The following EYS variants were observed in gnomAD, a reference collection of about 807,000 sequenced individuals.
EYS encodes the protein EGF-like photoreceptor maintenance factor, also known as protein eyes shut homolog.
In EYS, 250 loss-of-function variants were observed where a neutral mutation model predicts 282.1. The ratio of observed to expected loss-of-function variants is 0.89; its 90% confidence interval spans 0.80 to 0.98. EYS has a LOEUF of 0.98. EYS is among the 50% of genes least tolerant of loss of function. EYS has a pLI of 0.00. For synonymous variants in EYS, 1,355 were observed against 1,282.9 expected, an observed-to-expected ratio of 1.06 and a Z score of -1.20; for missense variants, 4,016 against 3,709.0, an observed-to-expected ratio of 1.08 and a Z score of -2.15.
chr6:64,178,854 T>G (rs895832341), intron 31 of EYS, among the ~76,000 whole-genome samples: 4 of 152,082 alleles, frequency 2.6e-5, no homozygotes, highest in Non-Finnish European at 5.9e-5. Context: ...CCAGGAGACC[T>G]AAATTTATAA....
At chr6:63,776,063 T>TC (rs1226756565) in intron 40 of EYS, among the ~76,000 whole-genome samples, 2 of 152,112 alleles carry the variant, frequency 1.3e-5, no homozygotes. Flanking sequence ...GATGTATCTT[T>TC]CCCCCTGTAC....
intron 29 of EYS, among the ~76,000 whole-genome samples, chr6:64,334,765 C>T (rs1049871649): frequency 3.9e-5 from 6 of 152,092 alleles, no homozygotes; most frequent in African/African-American, 1.4e-4. Flanking sequence ...TTGCTGCTTA[C>T]AAATTGATGA....
intron 22 of EYS, among the ~76,000 whole-genome samples, chr6:64,798,329 A>G (rs769887021): frequency 5.9e-5 from 9 of 151,954 alleles, no homozygotes; most frequent in Admixed American, 1.3e-4. Flanking sequence ...ATTTTCATCC[A>G]TACAGATATA....
intron 26 of EYS, among the ~76,000 whole-genome samples, chr6:64,523,300 C>T (rs1038575399): frequency 9.9e-5 from 15 of 151,728 alleles, no homozygotes; most frequent in African/African-American, 3.6e-4. Flanking sequence ...CGCCTTTCTT[C>T]TTCACACTTT....
At chr6:63,912,250 T>G (rs1764272441) in intron 35 of EYS, among the ~76,000 whole-genome samples, 3 of 152,158 alleles carry the variant, frequency 2.0e-5, no homozygotes, top group Admixed American at 1.3e-4. Flanking sequence ...TTGCTAGGAT[T>G]TTTCACTGGC....
intron 22 of EYS, among the ~76,000 whole-genome samples, chr6:64,787,229 T>G (rs1583158422): frequency 6.6e-6 from 1 of 152,272 alleles, no homozygotes; most frequent in East Asian, 1.9e-4. Context: ...GAGGTCTAGC[T>G]CAAAGAGTAG....
chr6:63,834,011 A>G (rs1452318002), intron 36 of EYS, among the ~76,000 whole-genome samples: 3 of 152,226 alleles, frequency 2.0e-5, no homozygotes, highest in African/African-American at 4.8e-5. Context: ...AGCCATATGT[A>G]GAAAGCTGAA....
At chr6:64,444,746 T>C (rs920825380) in intron 26 of EYS, among the ~76,000 whole-genome samples, 16 of 152,340 alleles carry the variant, frequency 1.1e-4, no homozygotes, top group African/African-American at 3.4e-4. Flanking sequence ...GGAAGGTGTT[T>C]GGATCACTAG....
At chr6:65,063,850 AT>A (rs1280675127) in intron 12 of EYS, among the ~76,000 whole-genome samples, 6 of 151,936 alleles carry the variant, frequency 3.9e-5, no homozygotes, top group Admixed American at 3.9e-4. Context: ...AGAAGAGTAA[AT>A]CACTGTCTCT....
At chr6:64,282,409 A>T (rs1768340095) in intron 30 of EYS, among the ~76,000 whole-genome samples, 1 of 152,180 alleles carries the variant, frequency 6.6e-6, no homozygotes, top group Non-Finnish European at 1.5e-5. Flanking sequence ...ACAAAGCCCT[A>T]TCAGGAGTGA....
intron 5 of EYS, among the ~76,000 whole-genome samples, chr6:65,443,902 ATAC>A (rs756213306): frequency 6.6e-6 from 1 of 151,864 alleles, no homozygotes. Flanking sequence ...GTTAGTTCCT[ATAC>A]CTTTTTCTTT....
At chr6:64,372,940 G>T (rs593039) in intron 29 of EYS, among the ~76,000 whole-genome samples, 104,369 of 152,010 alleles carry the variant, frequency 0.69, 35,857 homozygotes, top group South Asian at 0.71. Flanking sequence ...TCTTATAATG[G>T]CCATTTTGTC....
intron 26 of EYS, among the ~76,000 whole-genome samples, chr6:64,485,297 T>C (rs531221215): frequency 1.3e-5 from 2 of 151,696 alleles, no homozygotes; most frequent in African/African-American, 2.4e-5. Flanking sequence ...TGACAGAAGA[T>C]TGGGTTTTCT....
chr6:63,905,464 G>A (rs1773755806), intron 35 of EYS, among the ~76,000 whole-genome samples: 1 of 151,538 alleles, frequency 6.6e-6, no homozygotes, highest in Non-Finnish European at 1.5e-5. Context: ...TGAGTAGCTG[G>A]GATTACAGGC....
chr6:64,807,577 T>C (rs758367649), intron 22 of EYS, among the ~76,000 whole-genome samples: 60 of 152,180 alleles, frequency 3.9e-4, no homozygotes, highest in Non-Finnish European at 7.9e-4. Flanking sequence ...CTATTATTTG[T>C]CATGTAACTT....
At chr6:64,770,520 T>C (rs926125101) in intron 22 of EYS, among the ~76,000 whole-genome samples, 5 of 152,090 alleles carry the variant, frequency 3.3e-5, no homozygotes, top group African/African-American at 1.2e-4. Context: ...CAGTGTACTT[T>C]AATAGAAATT....
chr6:64,125,177 G>GCGCGCGCGCGCTCTCTCTCTCTCT (rs1562213606), intron 31 of EYS, among the ~76,000 whole-genome samples: 1 of 134,322 alleles, frequency 7.4e-6, no homozygotes, highest in African/African-American at 2.9e-5. Context: ...TCTCTCTCTC[G>GCGCGCGCGCGCTCTCTCTCTCTCT]CTCTCTCTCT....
At chr6:64,020,265 C>A (rs1024265119) in intron 33 of EYS, among the ~76,000 whole-genome samples, 1 of 152,094 alleles carries the variant, frequency 6.6e-6, no homozygotes, top group Non-Finnish European at 1.5e-5. Context: ...GTGGTGAATA[C>A]CCTAAGTATC....
At chr6:64,938,527 G>A (rs1768985564) in intron 15 of EYS, among the ~76,000 whole-genome samples, 1 of 151,626 alleles carries the variant, frequency 6.6e-6, no homozygotes, top group South Asian at 2.1e-4. Flanking sequence ...TTGACGTGAT[G>A]TCTTGTCTTT....
Sources: gnomAD v4.1 joint callset for allele counts (sites outside exome capture counted in the v4.1 genomes callset) on GRCh38, gnomAD v4.1.1 for gene constraint, MANE v1.5 for transcripts, NCBI Gene and HGNC (gene_info 2026-07-23, HGNC 2026-07-21) for gene names.